STXBP6: variants seen among roughly 807,000 people sequenced by gnomAD.
The protein encoded by STXBP6 is syntaxin binding protein 6, also known as syntaxin-binding protein 6.
In STXBP6, 21 loss-of-function variants were observed where a neutral mutation model predicts 26.9. The ratio of observed to expected loss-of-function variants is 0.78; its 90% CI spans 0.55 to 1.12. The LOEUF is 1.12. Ranked by LOEUF, STXBP6 falls within the 50% of genes most tolerant of loss-of-function variation. STXBP6 has a pLI of 0.00. For synonymous variants in STXBP6, 97 were observed against 92.6 expected (o/e 1.05, Z -0.27); for missense variants, 232 against 257.9 (o/e 0.90, Z 0.69).
intron 1 of STXBP6, among the ~76,000 whole-genome samples, chr14:25,040,019 T>A (rs1413937370): frequency 6.6e-6 from 1 of 152,066 alleles, no homozygotes; most frequent in Admixed American, 6.6e-5. Flanking sequence ...AGAATCTGTA[T>A]CTCAACAGGA....
intron 4 of STXBP6, among the ~76,000 whole-genome samples, chr14:24,842,900 T>C (rs2068827890): frequency 6.6e-6 from 1 of 152,196 alleles, no homozygotes; most frequent in Non-Finnish European, 1.5e-5. Flanking sequence ...AATCCAGCTA[T>C]TTGTGCATGC....
At chr14:24,919,217 C>G (rs2071886476) in intron 2 of STXBP6, among the ~76,000 whole-genome samples, 2 of 152,006 alleles carry the variant, frequency 1.3e-5, no homozygotes, top group Admixed American at 1.3e-4. Context: ...GGGGCAATTT[C>G]TGCCTAAGAT....
Position 25,049,388 on chromosome 14 carries a change from G to A in STXBP6, c.-33+490C>T, listed in dbSNP as rs1000312999. The A allele has an allele frequency of 2.4e-5, 24 of 985,306 alleles. No individual in the cohort carries two copies. The highest frequency in any genetic ancestry group is 2.8e-5 in the Non-Finnish European group (23 of 829,952). 61.0% of individuals were successfully genotyped at this position (985,306 alleles called of 1,614,324 possible). A position where few individuals can be genotyped will look rare whatever the true frequency, so the allele number is the denominator to read the frequency against. On this transcript the variant is annotated intron_variant, in intron 1 of 5. Transcript: ENST00000323944. This position sits in a 1 kb window ranked among gnomAD's most constrained non-coding sequence, Gnocchi z 5.6. ...AGAAAAGCTCGCCTCAGTTTTGGCA[G>A]TAATGATTTTCCTAGAAGATGCCAG...
intron 2 of STXBP6, among the ~76,000 whole-genome samples, chr14:24,965,220 A>G (rs890572744): frequency 6.6e-6 from 1 of 151,982 alleles, no homozygotes; most frequent in Non-Finnish European, 1.5e-5. Context: ...TGGGGAAAAA[A>G]TGTAGGGAAG....
chr14:24,901,474 A>G (rs986153660), intron 2 of STXBP6, among the ~76,000 whole-genome samples: 1 of 152,178 alleles, frequency 6.6e-6, no homozygotes, highest in African/African-American at 2.4e-5. Context: ...TTTCTGAAAA[A>G]ATTAGGCATA....
intron 1 of STXBP6, among the ~76,000 whole-genome samples, chr14:24,983,930 G>A (rs775903285): frequency 6.6e-6 from 1 of 152,076 alleles, no homozygotes; most frequent in Non-Finnish European, 1.5e-5. Flanking sequence ...TTAAATCAGA[G>A]CAAAACTTCT....
At chr14:24,944,303 C>T (rs2072905207) in intron 2 of STXBP6, among the ~76,000 whole-genome samples, 1 of 152,168 alleles carries the variant, frequency 6.6e-6, no homozygotes, top group African/African-American at 2.4e-5. Context: ...TGGGCAGACT[C>T]CAACCTCAGG....
At chr14:24,984,000 A>C (rs560482800) in intron 1 of STXBP6, among the ~76,000 whole-genome samples, 1 of 152,206 alleles carries the variant, frequency 6.6e-6, no homozygotes, top group Non-Finnish European at 1.5e-5. Flanking sequence ...TTGAGAGGCC[A>C]AGGTGGGTGG....
At chr14:25,003,225 G>A (rs2074808197) in intron 1 of STXBP6, among the ~76,000 whole-genome samples, 1 of 152,164 alleles carries the variant, frequency 6.6e-6, no homozygotes, top group Non-Finnish European at 1.5e-5. Flanking sequence ...TAAAAATAAA[G>A]GAAGCTGTAG....
chr14:24,869,726 T>A (rs549431488), intron 2 of STXBP6, among the ~76,000 whole-genome samples: 22 of 152,306 alleles, frequency 1.4e-4, no homozygotes, highest in African/African-American at 4.8e-4. Flanking sequence ...TCCATCCACC[T>A]GTCCCACGGT....
At chr14:24,887,813 A>G (rs1023539143) in intron 2 of STXBP6, among the ~76,000 whole-genome samples, 5 of 152,248 alleles carry the variant, frequency 3.3e-5, no homozygotes, top group Non-Finnish European at 5.9e-5. Flanking sequence ...CCCACTAAGT[A>G]TCGTCAAGTC....
At chr14:24,846,419 T>C (rs534568373) in intron 4 of STXBP6, among the ~76,000 whole-genome samples, 1 of 152,320 alleles carries the variant, frequency 6.6e-6, no homozygotes, top group East Asian at 1.9e-4. Flanking sequence ...CTTTGAGATC[T>C]CCATCTCAAA....
intron 2 of STXBP6, among the ~76,000 whole-genome samples, chr14:24,858,470 G>A (rs1428932730): frequency 6.6e-6 from 1 of 151,942 alleles, no homozygotes; most frequent in Non-Finnish European, 1.5e-5. Context: ...TAATGTTTTG[G>A]TTTATCACCC....
intron 2 of STXBP6, among the ~76,000 whole-genome samples, chr14:24,889,309 A>G (rs1205356191): frequency 7.4e-6 from 1 of 134,420 alleles, no homozygotes. Context: ...AACAACAACA[A>G]TAACAACGAC....
At chr14:24,984,586 C>T in intron 1 of STXBP6, among the ~76,000 whole-genome samples, 1 of 152,194 alleles carries the variant, frequency 6.6e-6, no homozygotes, top group East Asian at 1.9e-4. Flanking sequence ...TCCAACTTAT[C>T]TGATCTCCCC....
intron 4 of STXBP6, among the ~76,000 whole-genome samples, chr14:24,837,655 T>C (rs2068658235): frequency 6.6e-6 from 1 of 152,208 alleles, no homozygotes; most frequent in Non-Finnish European, 1.5e-5. Context: ...CAGGAACTTG[T>C]GCTCATTTCG....
At chr14:24,914,622 A>G (rs2071693950) in intron 2 of STXBP6, among the ~76,000 whole-genome samples, 1 of 152,152 alleles carries the variant, frequency 6.6e-6, no homozygotes, top group African/African-American at 2.4e-5. Context: ...AGCCCCTCAC[A>G]GGCCTGACAC....
At chr14:24,968,921 A>C (rs1459497063) in intron 2 of STXBP6, among the ~76,000 whole-genome samples, 1 of 152,198 alleles carries the variant, frequency 6.6e-6, no homozygotes, top group Non-Finnish European at 1.5e-5. Flanking sequence ...TTCTTGCACA[A>C]CACTTTCAAA....
intron 2 of STXBP6, among the ~76,000 whole-genome samples, chr14:24,908,385 A>G (rs1455971659): frequency 1.3e-5 from 2 of 152,082 alleles, no homozygotes. Flanking sequence ...CGCTGATCCC[A>G]TTTGCTTTCA....
Sources: gnomAD v4.1 joint callset for allele counts (sites outside exome capture counted in the v4.1 genomes callset) on GRCh38, gnomAD v4.1.1 for gene constraint, Gnocchi (gnomAD v3.1) non-coding constraint, MANE v1.5 for transcripts, NCBI Gene and HGNC (gene_info 2026-07-23, HGNC 2026-07-21) for gene names.